Variants in RMDN2 observed in about 807,000 individuals in gnomAD.
The protein encoded by RMDN2 is regulator of microtubule dynamics 2, also known as regulator of microtubule dynamics protein 2.
RMDN2 carries 61 observed loss-of-function variants against 52.8 expected under a neutral mutation model. That is an observed-to-expected ratio of 1.16 (90% confidence interval 0.94 to 1.43). The LOEUF (loss-of-function observed/expected upper bound fraction) is 1.43, where lower values mean the gene tolerates loss of function less well. RMDN2 is among the 40% of genes most tolerant of loss of function. The pLI, the probability that RMDN2 is intolerant of heterozygous loss-of-function variation, is 0.00. For missense variants in RMDN2, 592 were observed against 475.3 expected, an observed-to-expected ratio of 1.25 and a Z score of -2.28; for synonymous variants, 180 against 153.1, an observed-to-expected ratio of 1.18 and a Z score of -1.30.
chr2:37,997,712 GCC>G (rs1195355303), intron 8 of RMDN2, 198 bp downstream of exon 8: 2 of 534,446 alleles, frequency 3.7e-6, no homozygotes, highest in Non-Finnish European at 6.7e-6. Context: ...AACTAGTTAT[GCC>G]CTAGGTTCTA....
At chr2:37,951,391 A>T (rs1367687567) in intron 2 of RMDN2, 1 of 1,613,140 alleles carries the variant, frequency 6.2e-7, no homozygotes, top group African/African-American at 1.3e-5. Context: ...AATGCAGCCA[A>T]AGCAAGTAGA....
intron 10 of RMDN2, among the ~76,000 whole-genome samples, chr2:38,025,265 TATATA>T (rs775173599): frequency 2.6e-4 from 40 of 152,214 alleles, no homozygotes; most frequent in Non-Finnish European, 5.2e-4. Context: ...TTGATGCTCT[TATATA>T]TTATATTTTC....
chr2:37,927,926 G>A (rs895627452), intron 1 of RMDN2, among the ~76,000 whole-genome samples: 2 of 151,932 alleles, frequency 1.3e-5, no homozygotes, highest in Non-Finnish European at 2.9e-5. Context: ...GGAGTGGGCA[G>A]ATGGTTATAG....
chr2:38,035,937 T>G (rs1680546086), intron 10 of RMDN2: 1 of 151,626 alleles, frequency 6.6e-6, no homozygotes, highest in Non-Finnish European at 1.5e-5. Context: ...AGGTAATAGG[T>G]GCACACACTA....
chr2:38,034,992 G>C (rs1680476670), intron 10 of RMDN2, among the ~76,000 whole-genome samples: 1 of 152,050 alleles, frequency 6.6e-6, no homozygotes, highest in East Asian at 1.9e-4. Flanking sequence ...AGAGATACTA[G>C]CTCTAATTAG....
At chr2:38,051,629 C>A (rs1417172065) in intron 10 of RMDN2, among the ~76,000 whole-genome samples, 1 of 152,140 alleles carries the variant, frequency 6.6e-6, no homozygotes, top group Non-Finnish European at 1.5e-5. Context: ...CTTATTTCTT[C>A]TGTCTAGCTG....
intron 3 of RMDN2, 60 bp from the exon 4 acceptor site, chr2:37,975,152 A>G (rs537932759): frequency 4.9e-5 from 49 of 991,216 alleles, no homozygotes; most frequent in South Asian, 4.1e-4. Flanking sequence ...GTAGAAAACA[A>G]GAATAGAATA....
At chr2:38,008,880 G>T (rs1677517539) in intron 10 of RMDN2, among the ~76,000 whole-genome samples, 1 of 152,146 alleles carries the variant, frequency 6.6e-6, no homozygotes, top group African/African-American at 2.4e-5. Context: ...TCCTTCAGGA[G>T]CTCTTTTAGG....
chr2:37,965,487 C>CAA (rs1366214428), intron 2 of RMDN2, among the ~76,000 whole-genome samples: 1 of 151,912 alleles, frequency 6.6e-6, no homozygotes, highest in Non-Finnish European at 1.5e-5. Context: ...TAATTACATA[C>CAA]AAAAATTCTA....
In RMDN2 at chr2:38,064,878, C is replaced by CAT. The variant is rs1460868820; in HGVS notation, c.1714-2104_1714-2103insAT. Reference sequence around the variant, plus strand: ...TGTGTTGGTGGGGAAGTGGGTACAGCTTCCCCTCATGCACAGCTGATGGGA... The same window carrying CAT: ...TGTGTTGGTGGGGAAGTGGGTACAGCATTTCCCCTCATGCACAGCTGATGGGA... On this transcript the variant is annotated intron_variant, in intron 10 of 10. Transcript: ENST00000234195. Among the ~76,000 whole-genome samples, 73 of 152,134 alleles carry CAT rather than the reference C, an allele frequency of 4.8e-4. 3 individuals carry two copies. Among genetic ancestry groups the CAT allele is most frequent in the Non-Finnish European group, 5.9e-5 (4 of 68,022 alleles).
rs1680410940 is a variant in RMDN2 at position 38,034,106 on chromosome 2, G to A, written c.1713+29890G>A. Among the ~76,000 whole-genome samples the A allele has an allele frequency of 3.3e-5, 5 of 152,292 alleles. No homozygotes were observed. In the Middle Eastern group the frequency reaches 0.01, roughly 311 times the overall value. On this transcript the variant is annotated intron_variant, in intron 10 of 10. Transcript: ENST00000234195. ...CAGAAAGACTTCTAGCAGTGTCCTC[G>A]ACAGGAAGTCACCACTGTGCTGAGG...
intron 10 of RMDN2, among the ~76,000 whole-genome samples, chr2:38,028,777 C>T (rs1679967769): frequency 6.6e-6 from 1 of 152,148 alleles, no homozygotes; most frequent in Non-Finnish European, 1.5e-5. Flanking sequence ...TCACTGTGGG[C>T]GCTGAGCAGG....
chr2:37,974,926 T>C (rs80283922), intron 3 of RMDN2: 40,477 of 297,562 alleles, frequency 0.14, 3,169 homozygotes, highest in Non-Finnish European at 0.16. Context: ...GAAGAATTTC[T>C]AGATTTTGGT....
intron 2 of RMDN2, among the ~76,000 whole-genome samples, chr2:37,962,647 T>C (rs1175062452): frequency 6.6e-6 from 1 of 152,106 alleles, no homozygotes; most frequent in Non-Finnish European, 1.5e-5. Context: ...TGGGATCCCC[T>C]GAGCAACAAC....
chr2:37,948,656 T>A (rs768555598), intron 2 of RMDN2, among the ~76,000 whole-genome samples: 1 of 152,174 alleles, frequency 6.6e-6, no homozygotes, highest in African/African-American at 2.4e-5. Context: ...GTTAGGTAAG[T>A]TCTTCACCTA....
At position 38,065,416 on chromosome 2, in the gene RMDN2, G is replaced by A. The variant is rs150664106; in HGVS notation, c.1714-1566G>A. 4.6e-3 allele frequency among the ~76,000 whole-genome samples: 701 copies of A among 151,884 alleles called. 11 individuals are homozygous for A. The highest frequency in any genetic ancestry group is 0.016 in the African/African-American group (653 of 41,448). ...AAAGAAAGAGGCTGGCTGATTTTTC[G>A]GGCTTGCTCAATGACTCTTAGCTCT... On this transcript the variant is annotated intron_variant, in intron 10 of 10. Transcript: ENST00000234195.
intron 3 of RMDN2, 97 bp downstream of exon 3, chr2:37,974,311 C>T (rs1393684052): frequency 3.9e-6 from 3 of 766,056 alleles, no homozygotes; most frequent in Non-Finnish European, 5.6e-6. Flanking sequence ...TCATGGTTCC[C>T]ACATTTTGAT....
chr2:38,019,477 G>A (rs1218000250), downstream of RMDN2, among the ~76,000 whole-genome samples: 1 of 152,186 alleles, frequency 6.6e-6, no homozygotes, highest in Non-Finnish European at 1.5e-5. Context: ...TGACCCAATA[G>A]AAATGTAGTA....
At chr2:37,929,098 A>C (rs1354789917) in intron 1 of RMDN2, among the ~76,000 whole-genome samples, 164 bp from the exon 2 acceptor site, 2 of 152,230 alleles carry the variant, frequency 1.3e-5, no homozygotes, top group Admixed American at 1.3e-4. Flanking sequence ...GACTCTTACA[A>C]CAGTATACTT....
Sources: gnomAD v4.1 joint callset for allele counts (sites outside exome capture counted in the v4.1 genomes callset) on GRCh38, gnomAD v4.1.1 for gene constraint, MANE v1.5 for transcripts, NCBI Gene and HGNC (gene_info 2026-07-23, HGNC 2026-07-21) for gene names.